HUNK: variants seen among roughly 807,000 people sequenced by gnomAD.
The protein encoded by HUNK is hormonally up-regulated neu tumor-associated kinase.
In HUNK, 21 loss-of-function variants were observed where a neutral mutation model predicts 61.0. The observed-to-expected ratio is 0.34, with a 90% CI of 0.24 to 0.50. HUNK has a LOEUF of 0.50. Ranked by LOEUF, HUNK falls within the 20% of genes least tolerant of loss-of-function variation. The pLI is 0.98. For missense variants in HUNK, 772 were observed against 945.7 expected, an observed-to-expected ratio of 0.82 and a Z score of 2.41; for synonymous variants, 371 against 386.1, an observed-to-expected ratio of 0.96 and a Z score of 0.46.
At chr21:31,874,006 A>G in intron 1 of HUNK, 71 bp downstream of exon 1, 1 of 1,233,122 alleles carries the variant, frequency 8.1e-7, no homozygotes, top group Non-Finnish European at 1.1e-6. Context: ...CGCGGGGAGC[A>G]CTGCACTGGG....
chr21:31,909,954 C>G (rs777557916), intron 1 of HUNK, among the ~76,000 whole-genome samples: 1 of 152,192 alleles, frequency 6.6e-6, no homozygotes, highest in Non-Finnish European at 1.5e-5. Context: ...AGCCGGGAGC[C>G]GGGAGCCCTC....
intron 3 of HUNK, among the ~76,000 whole-genome samples, chr21:31,945,197 A>G (rs945103657): frequency 6.6e-6 from 1 of 152,188 alleles, no homozygotes; most frequent in African/African-American, 2.4e-5. Context: ...AAGATTAAGG[A>G]AAGATTCAGA....
chr21:31,926,177 C>A (rs59940407), intron 2 of HUNK, among the ~76,000 whole-genome samples: 3,350 of 152,254 alleles, frequency 0.022, 126 homozygotes, highest in African/African-American at 0.077. Context: ...CTCGGCCTCC[C>A]GAAGTGCTGG....
intron 2 of HUNK, among the ~76,000 whole-genome samples, chr21:31,937,473 A>G (rs7509881): frequency 2.0e-5 from 3 of 152,318 alleles, no homozygotes; most frequent in Middle Eastern, 3.4e-3. Context: ...ATGGGTGTGT[A>G]TGATTTGGGA....
At chr21:31,940,107 T>G (rs76694801) in intron 2 of HUNK, 58 bp from the exon 3 acceptor site, 54,016 of 1,397,558 alleles carry the variant, frequency 0.039, 1,427 homozygotes, top group South Asian at 0.1. Flanking sequence ...AGAAGCAAAA[T>G]GTAATTCCAT....
At chr21:31,983,221 T>C (rs13051240) in intron 7 of HUNK, among the ~76,000 whole-genome samples, 2 of 152,190 alleles carry the variant, frequency 1.3e-5, no homozygotes, top group East Asian at 1.9e-4. Context: ...TTTTGAGTAG[T>C]CTTACTGCAC....
intron 1 of HUNK, among the ~76,000 whole-genome samples, chr21:31,916,204 CCAT>C (rs1478448264): frequency 3.3e-5 from 5 of 151,734 alleles, no homozygotes; most frequent in African/African-American, 1.2e-4. Context: ...GCACCCACCA[CCAT>C]ACCCGGCTAA....
In HUNK at chr21:31,940,165, A is replaced by G. The variant is rs1411964774; in HGVS notation, c.555A>G (p.Arg185=). The change falls in exon 3 of 11, where the codon AGA becomes AGG. Residue 185 remains arginine, a splice_region_variant and synonymous_variant. Coordinates refer to ENST00000270112, the MANE Select transcript of HUNK (RefSeq NM_014586.2). ...EHLHRAGVVH[R]DLKIENLLLD... ...TGCTGTGTGGTTTTGTTTATTTCAG[A>G]GACTTGAAGATAGAGAATTTGCTAC... 2.5e-6 allele frequency: 4 copies of G among 1,588,056 alleles called. No individual in the cohort carries two copies. The African/African-American group carries it at 5.4e-5, about 22-fold the overall frequency.
intron 5 of HUNK, among the ~76,000 whole-genome samples, chr21:31,966,963 G>A (rs1281865301): frequency 4.6e-5 from 7 of 152,184 alleles, no homozygotes; most frequent in Admixed American, 3.9e-4. Context: ...AAGCAAGACA[G>A]ACCGTCTGCA....
rs764356080 is a variant in HUNK at position 32,002,889 on chromosome 21, C to T, written c.*3705C>T. 2.4e-4 allele frequency: 36 copies of T among 152,282 alleles called. No homozygotes were observed. The highest frequency in any genetic ancestry group is 3.9e-4 in the East Asian group (2 of 5,180). The allele number at this position is 152,282 out of a possible 1,614,324, so 9.4% of individuals were successfully genotyped here. ...GTGCAAAGCCCCAGTAGTCGGATTC[C>T]GGGGAAAAGAACAAGTATCTAGTTT... is the stretch of plus-strand genomic sequence containing the variant. On this transcript the variant is annotated 3_prime_UTR_variant, in exon 11 of 11. Coordinates refer to ENST00000270112, the MANE Select transcript of HUNK (RefSeq NM_014586.2).
At chr21:31,906,305 G>C (rs1247656996) in intron 1 of HUNK, among the ~76,000 whole-genome samples, 1 of 152,124 alleles carries the variant, frequency 6.6e-6, no homozygotes, top group Non-Finnish European at 1.5e-5. Context: ...ACCTCAGCTG[G>C]GTTCCAAAAG....
At chr21:31,935,872 G>A (rs1235374936) in intron 2 of HUNK, among the ~76,000 whole-genome samples, 1 of 151,844 alleles carries the variant, frequency 6.6e-6, no homozygotes, top group Non-Finnish European at 1.5e-5. Flanking sequence ...AGGCTGGAGC[G>A]CAGTGGCACA....
intron 1 of HUNK, among the ~76,000 whole-genome samples, chr21:31,876,559 C>A (rs1245272301): frequency 6.6e-6 from 1 of 152,128 alleles, no homozygotes. Flanking sequence ...CTAACTAAGG[C>A]CAAAACAAAG....
chr21:31,968,714 G>A (rs1380645824), intron 6 of HUNK, among the ~76,000 whole-genome samples: 1 of 61,088 alleles, frequency 1.6e-5, no homozygotes, highest in Admixed American at 1.7e-4. Context: ...GCTGTGGCCC[G>A]AGTGTGTGTG....
chr21:31,967,309 C>G (rs150004918), intron 5 of HUNK, among the ~76,000 whole-genome samples: 1,561 of 152,220 alleles, frequency 0.01, 28 homozygotes, highest in African/African-American at 0.034. Flanking sequence ...CATGATGGCA[C>G]AACTGCACTC....
chr21:32,000,368 G>A lies in HUNK; in HGVS notation c.*1184G>A, dbSNP rs887650284. The A allele has an allele frequency of 2.3e-5, 9 of 398,982 alleles. No homozygotes were observed. The highest frequency in any genetic ancestry group is 1.3e-4 in the South Asian group (1 of 7,856). The allele number at this position is 398,982 out of a possible 1,614,324, so 24.7% of individuals were successfully genotyped here. A position where few individuals can be genotyped will look rare whatever the true frequency, so the allele number is the denominator to read the frequency against. Reference sequence around the variant, plus strand: ...GCTCCTCAAACAGGGTTCAGTCCACGTTGTGTTTTCACACCTTTCTCCAAG... The same window carrying A: ...GCTCCTCAAACAGGGTTCAGTCCACATTGTGTTTTCACACCTTTCTCCAAG... On this transcript the variant is annotated 3_prime_UTR_variant, in exon 11 of 11. Coordinates refer to ENST00000270112, the MANE Select transcript of HUNK (RefSeq NM_014586.2).
At chr21:31,991,408 A>T (rs540314399) in intron 9 of HUNK, among the ~76,000 whole-genome samples, 1 of 152,236 alleles carries the variant, frequency 6.6e-6, no homozygotes, top group African/African-American at 2.4e-5. Context: ...TAGTAGAGAC[A>T]GGATTTCACC....
chr21:31,900,110 C>G (rs543048703), intron 1 of HUNK, among the ~76,000 whole-genome samples: 1 of 152,222 alleles, frequency 6.6e-6, no homozygotes, highest in African/African-American at 2.4e-5. Context: ...CCTACTGAGT[C>G]CCTTTGACAC....
At chr21:31,879,927 A>G (rs2052293634) in intron 1 of HUNK, among the ~76,000 whole-genome samples, 1 of 152,166 alleles carries the variant, frequency 6.6e-6, no homozygotes, top group South Asian at 2.1e-4. Context: ...TGATGGGTGA[A>G]ACTTCTTTCT....
Sources: gnomAD v4.1 joint callset for allele counts (sites outside exome capture counted in the v4.1 genomes callset) on GRCh38, gnomAD v4.1.1 for gene constraint, MANE v1.5 for transcripts, NCBI Gene and HGNC (gene_info 2026-07-23, HGNC 2026-07-21) for gene names.